GPC5: variants seen among roughly 807,000 people sequenced by gnomAD.
GPC5 encodes the protein glypican-5.
A neutral mutation model predicts 53.9 loss-of-function variants in GPC5; 47 were observed. The observed-to-expected ratio is 0.87, with a 90% CI of 0.69 to 1.11. The LOEUF (loss-of-function observed/expected upper bound fraction) is 1.11, where lower values mean the gene tolerates loss of function less well. Ranked by LOEUF, GPC5 falls within the 50% of genes most tolerant of loss-of-function variation. The pLI is 0.00. For missense variants in GPC5, 748 were observed against 713.1 expected, an observed-to-expected ratio of 1.05 and a Z score of -0.56; for synonymous variants, 286 against 263.3, an observed-to-expected ratio of 1.09 and a Z score of -0.84.
intron 7 of GPC5, chr13:92,241,365 A>G (rs1023626680): frequency 5.9e-5 from 9 of 152,314 alleles, no homozygotes; most frequent in Admixed American, 5.9e-4. Flanking sequence ...GTTGAGATGT[A>G]ATATTATTTG....
chr13:92,419,429 A>T (rs1172414078), intron 7 of GPC5, among the ~76,000 whole-genome samples: 1 of 152,224 alleles, frequency 6.6e-6, no homozygotes, highest in East Asian at 1.9e-4. Flanking sequence ...AATGACCAGA[A>T]TAAGAATTTC....
At chr13:92,767,065 G>C (rs955639319) in intron 7 of GPC5, among the ~76,000 whole-genome samples, 1 of 152,176 alleles carries the variant, frequency 6.6e-6, no homozygotes, top group Non-Finnish European at 1.5e-5. Flanking sequence ...GTCAAGAATT[G>C]AATCAAGGTC....
At chr13:91,982,796 A>T (rs184070442) in intron 6 of GPC5, among the ~76,000 whole-genome samples, 15 of 152,298 alleles carry the variant, frequency 9.8e-5, no homozygotes, top group Admixed American at 9.8e-4. Flanking sequence ...GATAATTGAC[A>T]TCCTAGGTAG....
At chr13:92,250,137 C>A (rs2042681979) in intron 7 of GPC5, among the ~76,000 whole-genome samples, 1 of 151,772 alleles carries the variant, frequency 6.6e-6, no homozygotes, top group African/African-American at 2.4e-5. Context: ...TACTTTATAG[C>A]AATTCAATGA....
intron 7 of GPC5, among the ~76,000 whole-genome samples, chr13:92,257,156 T>G (rs1256462233): frequency 6.6e-6 from 1 of 152,162 alleles, no homozygotes; most frequent in Non-Finnish European, 1.5e-5. Flanking sequence ...TCAGGTAAAT[T>G]GTTGAAAAGA....
At chr13:92,348,358 G>A (rs2043445668) in intron 7 of GPC5, among the ~76,000 whole-genome samples, 1 of 151,698 alleles carries the variant, frequency 6.6e-6, no homozygotes, top group East Asian at 1.9e-4. Flanking sequence ...GATAATAAAG[G>A]GGTCAATTTA....
At chr13:91,797,229 A>C (rs2038060689) in intron 5 of GPC5, among the ~76,000 whole-genome samples, 1 of 152,036 alleles carries the variant, frequency 6.6e-6, no homozygotes. Context: ...CTTTCTGTGT[A>C]CTCTCATTTT....
chr13:91,929,083 C>G (rs2039796737), intron 6 of GPC5, among the ~76,000 whole-genome samples: 1 of 151,992 alleles, frequency 6.6e-6, no homozygotes, highest in Non-Finnish European at 1.5e-5. Flanking sequence ...TCCACAATCA[C>G]CTTGGCTTTT....
At chr13:92,520,722 A>G (rs1384415325) in intron 7 of GPC5, among the ~76,000 whole-genome samples, 1 of 152,162 alleles carries the variant, frequency 6.6e-6, no homozygotes, top group Non-Finnish European at 1.5e-5. Flanking sequence ...AACTGGCACA[A>G]GACAGGGATG....
At chr13:92,757,254 G>C (rs1874924998) in intron 7 of GPC5, among the ~76,000 whole-genome samples, 1 of 152,198 alleles carries the variant, frequency 6.6e-6, no homozygotes, top group South Asian at 2.1e-4. Flanking sequence ...TTAATAAATG[G>C]TGCTGGGAAA....
chr13:92,265,322 T>C (rs2042795719), intron 7 of GPC5, among the ~76,000 whole-genome samples: 1 of 152,164 alleles, frequency 6.6e-6, no homozygotes, highest in Admixed American at 6.5e-5. Context: ...CACAGCTGCT[T>C]CAATATTTTG....
chr13:92,381,832 T>G (rs2043742060), intron 7 of GPC5, among the ~76,000 whole-genome samples: 1 of 83,378 alleles, frequency 1.2e-5, no homozygotes, highest in African/African-American at 4.1e-5. Context: ...TAATCATATA[T>G]ATTATATTGT....
In GPC5 at chr13:92,605,590, T is replaced by A. The variant is rs531011627; in HGVS notation, c.1562-260692T>A. ...CGTATTCACTAGTTTTTTTTTTTTT[T>A]TTATTTTTTTGAGACGGAGTCTCGC... On this transcript the variant is annotated intron_variant, in intron 7 of 7. Coordinates refer to ENST00000377067, the MANE Select transcript of GPC5 (RefSeq NM_004466.6). Among the ~76,000 whole-genome samples, 1,331 of 149,826 alleles carry A rather than the reference T, an allele frequency of 8.9e-3. 20 individuals carry two copies. The highest frequency in any genetic ancestry group is 0.028 in the Middle Eastern group (8 of 290).
intron 2 of GPC5, among the ~76,000 whole-genome samples, chr13:91,617,793 G>A (rs914980462): frequency 6.6e-6 from 1 of 152,074 alleles, no homozygotes. Context: ...AATTGTTTCT[G>A]TAAATGGCAA....
chr13:92,601,997 G>A (rs908553022), intron 7 of GPC5, among the ~76,000 whole-genome samples: 4 of 150,834 alleles, frequency 2.7e-5, no homozygotes, highest in Admixed American at 6.6e-5. Flanking sequence ...CTTTTATGGC[G>A]GCAGAAATTT....
At chr13:92,425,741 A>C (rs148703989) in intron 7 of GPC5, among the ~76,000 whole-genome samples, 2 of 152,232 alleles carry the variant, frequency 1.3e-5, no homozygotes, top group East Asian at 3.9e-4. Flanking sequence ...CTCACTAGGA[A>C]AGATAATTGT....
chr13:92,502,926 C>T (rs770823740), intron 7 of GPC5, among the ~76,000 whole-genome samples: 9 of 151,834 alleles, frequency 5.9e-5, no homozygotes, highest in Non-Finnish European at 1.0e-4. Context: ...TCACCAAGAG[C>T]GCCCATATTC....
chr13:92,016,240 C>G (rs2040705931), intron 6 of GPC5, among the ~76,000 whole-genome samples: 1 of 152,226 alleles, frequency 6.6e-6, no homozygotes, highest in African/African-American at 2.4e-5. Flanking sequence ...AATGAAATGT[C>G]TACCATTTCT....
At chr13:92,337,593 C>T (rs150945083) in intron 7 of GPC5, among the ~76,000 whole-genome samples, 34 of 151,978 alleles carry the variant, frequency 2.2e-4, no homozygotes, top group Middle Eastern at 3.4e-3. Flanking sequence ...GTGGTACTGA[C>T]GAAAGAATGA....
Sources: allele counts gnomAD v4.1 joint callset (sites outside exome capture counted in the v4.1 genomes callset), GRCh38; gene constraint gnomAD v4.1.1; transcripts MANE v1.5; gene names NCBI Gene and HGNC (gene_info 2026-07-23, HGNC 2026-07-21).